The following CREB5 variants were observed in gnomAD, a reference collection of about 807,000 sequenced individuals.
The protein encoded by CREB5 is cyclic AMP-responsive element-binding protein 5.
Under a neutral mutation model 57.1 loss-of-function variants are expected in CREB5, and 19 were observed. That is an observed-to-expected ratio of 0.33 (90% CI 0.23 to 0.49). The LOEUF is 0.49. Ranked by LOEUF, CREB5 falls within the 20% of genes least tolerant of loss-of-function variation. The pLI is 0.99. For missense variants in CREB5, 579 were observed against 671.6 expected, an observed-to-expected ratio of 0.86 and a Z score of 1.52; for synonymous variants, 238 against 238.3, an observed-to-expected ratio of 1.00 and a Z score of 0.01.
chr7:28,358,470 T>C (rs927525289), intron 1 of CREB5, among the ~76,000 whole-genome samples: 1 of 152,218 alleles, frequency 6.6e-6, no homozygotes. Context: ...GATATCACTG[T>C]TGGTCACCAC....
intron 1 of CREB5, among the ~76,000 whole-genome samples, chr7:28,305,655 T>C (rs1785169135): frequency 6.6e-6 from 1 of 152,206 alleles, no homozygotes; most frequent in Admixed American, 6.5e-5. Flanking sequence ...ATTCTCATCC[T>C]TTCCTGGATC....
intron 4 of CREB5, among the ~76,000 whole-genome samples, chr7:28,568,358 C>A (rs886174365): frequency 6.6e-6 from 1 of 152,092 alleles, no homozygotes; most frequent in African/African-American, 2.4e-5. Flanking sequence ...TGACTATGAA[C>A]AAGATGAAAA....
chr7:28,453,993 G>A (rs867016323), intron 1 of CREB5, among the ~76,000 whole-genome samples: 26 of 117,430 alleles, frequency 2.2e-4, no homozygotes, highest in Middle Eastern at 7.0e-3. Flanking sequence ...TCGCTCTGTC[G>A]CCCAGGCTGG....
chr7:28,677,982 A>G (rs1800396149), intron 5 of CREB5, among the ~76,000 whole-genome samples: 2 of 152,242 alleles, frequency 1.3e-5, no homozygotes, highest in Non-Finnish European at 2.9e-5. Context: ...TCCCATTTCT[A>G]TTAATAAAGG....
rs919165567 is a variant in CREB5, at chr7:28,821,830, T to C, written c.*2551T>C. 6.6e-6 allele frequency: 1 copy of C among 152,650 alleles called. No individual in the cohort carries two copies. Among genetic ancestry groups the C allele is most frequent in the African/African-American group, 2.4e-5 (1 of 41,462 alleles). The allele number at this position is 152,650 out of a possible 1,614,324, so 9.5% of individuals were successfully genotyped here. ...TTAATTTTTATGTTATGTTTTGCTT[T>C]GTTTTAAGTAAACAAAAATTTTTCT... On this transcript the variant is annotated 3_prime_UTR_variant, in exon 11 of 11. Transcript: ENST00000357727.
chr7:28,600,876 A>C (rs1583692171), intron 5 of CREB5, among the ~76,000 whole-genome samples: 1 of 152,204 alleles, frequency 6.6e-6, no homozygotes, highest in African/African-American at 2.4e-5. Context: ...TAAATAGCTA[A>C]CCCCAGATGA....
chr7:28,673,376 G>A (rs545843653), intron 5 of CREB5, among the ~76,000 whole-genome samples: 1 of 152,290 alleles, frequency 6.6e-6, no homozygotes, highest in South Asian at 2.1e-4. Flanking sequence ...CTGGAAAGCA[G>A]CTCTTAGAAC....
At chr7:28,469,834 A>G (rs1418808001) in intron 1 of CREB5, among the ~76,000 whole-genome samples, 2 of 152,226 alleles carry the variant, frequency 1.3e-5, no homozygotes, top group Non-Finnish European at 2.9e-5. Context: ...TAAGTGATTT[A>G]TCCAAAGTCA....
At chr7:28,663,278 C>T (rs1799683759) in intron 5 of CREB5, among the ~76,000 whole-genome samples, 1 of 151,938 alleles carries the variant, frequency 6.6e-6, no homozygotes. Context: ...GATCTCAGCT[C>T]ACTGTAATCT....
chr7:28,488,096 T>A, intron 1 of CREB5, 79 bp from the exon 2 acceptor site: 24 of 1,323,270 alleles, frequency 1.8e-5, no homozygotes, highest in Non-Finnish European at 2.5e-5. Flanking sequence ...AGTGATTGCC[T>A]TTCTCACGTT....
intron 5 of CREB5, among the ~76,000 whole-genome samples, chr7:28,628,609 G>T (rs529675048): frequency 2.6e-5 from 4 of 152,158 alleles, no homozygotes; most frequent in Non-Finnish European, 5.9e-5. Context: ...ACTGTGTGAG[G>T]GTGGGTGGCT....
intron 4 of CREB5, among the ~76,000 whole-genome samples, chr7:28,529,944 A>T (rs2128621112): frequency 6.6e-6 from 1 of 152,344 alleles, no homozygotes; most frequent in South Asian, 2.1e-4. Context: ...ACTATTTGCC[A>T]GATATCTTGC....
At chr7:28,630,917 G>A (rs1798176821) in intron 5 of CREB5, among the ~76,000 whole-genome samples, 1 of 152,134 alleles carries the variant, frequency 6.6e-6, no homozygotes. Context: ...AGAACGCTAT[G>A]AGGTACGTAT....
intron 1 of CREB5, among the ~76,000 whole-genome samples, chr7:28,462,645 T>A (rs1790396286): frequency 6.6e-6 from 1 of 152,238 alleles, no homozygotes; most frequent in Non-Finnish European, 1.5e-5. Flanking sequence ...CACTGTCATT[T>A]GCCTTTCCCT....
At chr7:28,661,722 G>T (rs1319438790) in intron 5 of CREB5, among the ~76,000 whole-genome samples, 2 of 152,114 alleles carry the variant, frequency 1.3e-5, no homozygotes, top group Admixed American at 1.3e-4. Context: ...GGTTCATTCT[G>T]ACTCTAGGTT....
At position 28,665,854 on chromosome 7, in the gene CREB5, T is replaced by C. The variant is rs75273052; in HGVS notation, c.465-52899T>C. ...CATACTGTAGGCATGATCTAAATTC[T>C]GAGGTTAACTTACGCAAGTAGAATT... On this transcript the variant is annotated intron_variant, in intron 5 of 10. Coordinates refer to ENST00000357727, the MANE Select transcript of CREB5 (RefSeq NM_182898.4). Among the ~76,000 whole-genome samples the C allele has an allele frequency of 7.3e-3, 1,104 of 152,116 alleles. 21 individuals are homozygous for C. Among genetic ancestry groups the C allele is most frequent in the African/African-American group, 0.026 (1,060 of 41,484 alleles).
At chr7:28,520,743 T>C (rs1793171099) in intron 4 of CREB5, among the ~76,000 whole-genome samples, 1 of 152,262 alleles carries the variant, frequency 6.6e-6, no homozygotes, top group Non-Finnish European at 1.5e-5. Context: ...ACACAAATTC[T>C]TGGCTCCCCA....
At chr7:28,582,428 T>C (rs1305058845) in intron 5 of CREB5, among the ~76,000 whole-genome samples, 1 of 152,194 alleles carries the variant, frequency 6.6e-6, no homozygotes, top group Non-Finnish European at 1.5e-5. Flanking sequence ...TCTTAATGAG[T>C]TCCATTGTTA....
intron 7 of CREB5, among the ~76,000 whole-genome samples, chr7:28,791,285 G>T (rs1231725743): frequency 6.6e-6 from 1 of 152,218 alleles, no homozygotes; most frequent in African/African-American, 2.4e-5. Flanking sequence ...CTTGGATCAT[G>T]TACGTTTTCT....
Sources: gnomAD v4.1 joint callset for allele counts (sites outside exome capture counted in the v4.1 genomes callset) on GRCh38, gnomAD v4.1.1 for gene constraint, MANE v1.5 for transcripts, NCBI Gene and HGNC (gene_info 2026-07-23, HGNC 2026-07-21) for gene names.